GALC: variants seen among roughly 807,000 people sequenced by gnomAD.
The protein encoded by GALC is galactosylceramidase, also known as galactocerebrosidase.
A neutral mutation model predicts 91.8 loss-of-function variants in GALC; 77 were observed. The ratio of observed to expected loss-of-function variants is 0.84; its 90% CI spans 0.70 to 1.01. GALC has a LOEUF of 1.01. Ranked by LOEUF, GALC falls within the 50% of genes least tolerant of loss-of-function variation. GALC has a pLI of 0.00. For synonymous variants in GALC, 357 were observed against 306.7 expected (o/e 1.16, Z -1.71); for missense variants, 882 against 855.9 (o/e 1.03, Z -0.38).
intron 12 of GALC, among the ~76,000 whole-genome samples, chr14:87,948,134 A>C (rs1351512103): frequency 1.3e-5 from 2 of 151,784 alleles, no homozygotes; most frequent in Non-Finnish European, 2.9e-5. Context: ...AAATAATCTC[A>C]AAATCTATTT....
intron 4 of GALC, among the ~76,000 whole-genome samples, 179 bp from the exon 5 acceptor site, chr14:87,984,712 A>T (rs1261311505): frequency 6.6e-6 from 1 of 152,244 alleles, no homozygotes; most frequent in Admixed American, 6.5e-5. Context: ...ATCTATAGAC[A>T]CTATAATTCC....
chr14:87,967,541 TA>T (rs112022320), intron 8 of GALC, among the ~76,000 whole-genome samples: 17,168 of 152,164 alleles, frequency 0.11, 1,124 homozygotes, highest in Non-Finnish European at 0.16. Context: ...TATCATTGTT[TA>T]AAAAAAGCTA....
chr14:87,937,055 C>G (rs1298316071), intron 16 of GALC, among the ~76,000 whole-genome samples: 1 of 151,526 alleles, frequency 6.6e-6, no homozygotes, highest in African/African-American at 2.4e-5. Flanking sequence ...CACCATGCAA[C>G]AGAACTGGGA....
chr14:87,945,133 T>G (rs1327988212), intron 14 of GALC, among the ~76,000 whole-genome samples: 1 of 116,818 alleles, frequency 8.6e-6, no homozygotes, highest in East Asian at 2.5e-4. Context: ...CTGGTAAATC[T>G]TTTAATAAGG....
At chr14:87,982,384 T>C in intron 5 of GALC, 141 bp from the exon 6 acceptor site, 1 of 589,044 alleles carries the variant, frequency 1.7e-6, no homozygotes, top group Non-Finnish European at 3.1e-6. Flanking sequence ...TATCCTGCCA[T>C]AGAATTTATA....
intron 5 of GALC, among the ~76,000 whole-genome samples, chr14:87,983,065 C>G (rs1369598707): frequency 6.6e-6 from 1 of 152,136 alleles, no homozygotes; most frequent in East Asian, 1.9e-4. Context: ...TCCGGCCAGG[C>G]GTGGTGGCTC....
chr14:87,944,235 C>T (rs2139947808), intron 14 of GALC, among the ~76,000 whole-genome samples: 1 of 152,044 alleles, frequency 6.6e-6, no homozygotes, highest in African/African-American at 2.4e-5. Context: ...TTCTATACTA[C>T]AATTAAGGGG....
At position 87,934,646 on chromosome 14, in the gene GALC, G is replaced by A; in HGVS notation, c.*86C>T. The A allele has an allele frequency of 6.2e-7, 1 of 1,606,122 alleles. No homozygotes were observed. The highest frequency in any genetic ancestry group is 8.5e-7 in the Non-Finnish European group (1 of 1,176,920). ...TTTAGTCTCAAAAGCCTCATATACT[G>A]TTCCAATGAAACAAGAATTGGCTCT... is the stretch of plus-strand genomic sequence containing the variant. On this transcript the variant is annotated 3_prime_UTR_variant, in exon 17 of 17. Transcript: ENST00000261304.
Position 87,988,456 on chromosome 14 carries a change from T to C in GALC, c.263A>G (p.Lys88Arg). ...YRSQILDYLF[K>R]PNFGASLHIL... is the part of the protein sequence containing the mutation. ...ATGAAATAATTATGTTTTCATTACC[T>C]TAAAGAGATAATCCAATATCTGAGA... is the stretch of plus-strand genomic sequence containing the variant. The change falls in exon 2 of 17, where the codon AAG (lysine) becomes AGG (arginine). Residue 88 changes from lysine (K) to arginine (R), a missense_variant and splice_region_variant. Lys to Arg is a conservative substitution (Grantham distance 26). Transcript: ENST00000261304. 1 of 1,585,148 alleles carries C rather than the reference T, an allele frequency of 6.3e-7. No homozygotes were observed. Among genetic ancestry groups the C allele is most frequent in the South Asian group, 1.1e-5 (1 of 90,442 alleles).
intron 13 of GALC, among the ~76,000 whole-genome samples, chr14:87,946,835 T>C (rs1355214663): frequency 1.3e-5 from 2 of 151,924 alleles, no homozygotes; most frequent in Non-Finnish European, 2.9e-5. Context: ...GTCTGTATTA[T>C]AGTTGAGAGG....
At position 87,986,491 on chromosome 14, in the gene GALC, A is replaced by G. The variant is rs764143160; in HGVS notation, c.440T>C (p.Ile147Thr). 5 of 1,557,076 alleles carry G rather than the reference A, an allele frequency of 3.2e-6. No individual in the cohort carries two copies. Among genetic ancestry groups the G allele is most frequent in the Admixed American group, 1.7e-5 (1 of 59,924 alleles). The change falls in exon 4 of 17, where the codon ATT (isoleucine) becomes ACT (threonine). Residue 147 changes from isoleucine (I) to threonine (T), a missense_variant and splice_region_variant. Physicochemically the swap from Ile to Thr is moderately conservative, Grantham distance 89 (BLOSUM62 -1). Coordinates refer to ENST00000261304, the MANE Select transcript of GALC (RefSeq NM_000153.4). ...AKKRNPNITL[I>T]GLPWSFPGWL... ...ACATTGCAAACTTCATTTCTTACCA[A>G]TGAGTGTAATATTGGGATTCCTCTT...
rs1595245015 is a variant in GALC at position 87,992,363 on chromosome 14, C to T, written c.195+607G>A. Reference sequence around the variant, plus strand: ...GAGGGAGTACCCGGTAGTTTCAGGCCGCTCGCTTATCTTCCTTTTAAAGAG... The same window carrying T: ...GAGGGAGTACCCGGTAGTTTCAGGCTGCTCGCTTATCTTCCTTTTAAAGAG... On this transcript the variant is annotated intron_variant, in intron 1 of 16. Transcript: ENST00000261304. The T allele has an allele frequency of 3.9e-6, 6 of 1,535,694 alleles. No individual in the cohort carries two copies. In the East Asian group the frequency reaches 1.5e-4, roughly 38 times the overall value.
At chr14:87,936,722 A>G (rs1884583558) in intron 16 of GALC, among the ~76,000 whole-genome samples, 2 of 151,580 alleles carry the variant, frequency 1.3e-5, no homozygotes, top group Non-Finnish European at 2.9e-5. Flanking sequence ...AACCTCACAG[A>G]AGTTATCTCC....
Position 87,945,639 on chromosome 14 carries a change from G to A in GALC, c.1584C>T (p.Phe528=), listed in dbSNP as rs753565491. 50 of 1,609,546 alleles carry A rather than the reference G, an allele frequency of 3.1e-5. 1 individual carries two copies. The South Asian group carries it at 5.4e-4, about 17-fold the overall frequency. ...TNIEDPGEHH[F]TLRQVLNQRP... ...TCTGGTTGAGAACTTGGCGTAGCGT[G>A]AAGTGATGCTCGCCAGGGTCTTCAA... The change falls in exon 14 of 17, where the codon TTC becomes TTT. Residue 528 remains phenylalanine (F), a synonymous_variant. Coordinates refer to ENST00000261304, the MANE Select transcript of GALC (RefSeq NM_000153.4).
chr14:87,965,493 A>C lies in GALC; in HGVS notation c.1033+12T>G. 1.2e-6 allele frequency: 2 copies of C among 1,613,178 alleles called. No individual in the cohort carries two copies. The highest frequency in any genetic ancestry group is 1.7e-6 in the Non-Finnish European group (2 of 1,179,326). On this transcript the variant is annotated intron_variant, in intron 9 of 16. Coordinates refer to ENST00000261304, the MANE Select transcript of GALC (RefSeq NM_000153.4). ...AAGAATTTAGGGAGTGAGAGATGGA[A>C]CTGAACCATACCTGATACCCAGACA... is the stretch of plus-strand genomic sequence containing the variant.
At chr14:87,962,578 TAC>T (rs36205603) in intron 10 of GALC, among the ~76,000 whole-genome samples, 3,777 of 146,488 alleles carry the variant, frequency 0.026, 126 homozygotes, top group African/African-American at 0.078. Context: ...CCTGATATGA[TAC>T]ACACACACAC....
intron 6 of GALC, among the ~76,000 whole-genome samples, chr14:87,978,788 A>T (rs545603123): frequency 6.6e-6 from 1 of 151,662 alleles, no homozygotes; most frequent in Non-Finnish European, 1.5e-5. Context: ...ACTTAAGAAC[A>T]CCACTGAAAA....
chr14:87,954,646 TA>T, intron 10 of GALC: 8 of 1,579,486 alleles, frequency 5.1e-6, no homozygotes, highest in Non-Finnish European at 7.0e-6. Flanking sequence ...ACCTAGAGGA[TA>T]AATGTTCAGG....
At position 87,993,053 on chromosome 14, in the gene GALC, C is replaced by G; in HGVS notation, c.112G>C (p.Ala38Pro). The G allele has an allele frequency of 6.4e-7, 1 of 1,562,890 alleles. No individual in the cohort carries two copies. The highest frequency in any genetic ancestry group is 8.6e-7 in the Non-Finnish European group (1 of 1,156,470). The change falls in exon 1 of 17, where the codon GCG becomes CCG. Residue 38 changes from alanine to proline, a missense_variant. Transcript: ENST00000261304. ...TCGAGCACGTACGCGCCGCCGGGCG[C>G]CAGCAGCGCACACAGCAGCAAGGGC... ...AVPLLLCALLAPGGAYVLDDS... is the reference protein window; with the variant it reads ...AVPLLLCALLPPGGAYVLDDS...
Sources: gnomAD v4.1 joint callset for allele counts (sites outside exome capture counted in the v4.1 genomes callset) on GRCh38, gnomAD v4.1.1 for gene constraint, MANE v1.5 for transcripts, NCBI Gene and HGNC (gene_info 2026-07-23, HGNC 2026-07-21) for gene names.